Variants in CACNB4 observed in about 807,000 individuals in gnomAD.
CACNB4 encodes calcium voltage-gated channel auxiliary subunit beta 4.
CACNB4 carries 32 observed loss-of-function variants against 71.2 expected under a neutral mutation model. That is an observed-to-expected ratio of 0.45 (90% CI 0.34 to 0.60). The LOEUF (loss-of-function observed/expected upper bound fraction) is 0.60, where lower values mean the gene tolerates loss of function less well. Among genes scored for constraint, CACNB4 ranks in the 20% least tolerant of loss-of-function variants. The pLI is 0.01. For missense variants in CACNB4, 464 were observed against 647.9 expected, an observed-to-expected ratio of 0.72 and a Z score of 3.08; for synonymous variants, 231 against 236.9, an observed-to-expected ratio of 0.97 and a Z score of 0.23.
At chr2:151,851,037 T>C (rs1215030325) in intron 12 of CACNB4, 1 of 152,196 alleles carries the variant, frequency 6.6e-6, no homozygotes, top group African/African-American at 2.4e-5. Context: ...AGCAATGTGA[T>C]ACTCTGCCAA....
chr2:151,948,219 G>A (rs760632812), intron 2 of CACNB4, among the ~76,000 whole-genome samples: 2 of 152,178 alleles, frequency 1.3e-5, no homozygotes, highest in African/African-American at 2.4e-5. Context: ...AATGAGCCTT[G>A]CAGTTTAGCT....
At chr2:151,846,540 T>C (rs1225595870) in intron 12 of CACNB4, among the ~76,000 whole-genome samples, 1 of 152,098 alleles carries the variant, frequency 6.6e-6, no homozygotes, top group Non-Finnish European at 1.5e-5. Context: ...TTTGTTTGTT[T>C]GTTTTTTGTT....
chr2:152,015,409 G>T (rs1683286957), intron 2 of CACNB4, among the ~76,000 whole-genome samples: 1 of 152,182 alleles, frequency 6.6e-6, no homozygotes, highest in South Asian at 2.1e-4. Flanking sequence ...GGGATTACAG[G>T]CGTGAGCCAC....
At position 152,075,655 on chromosome 2, in the gene CACNB4, C is replaced by T. The variant is rs1249287380; in HGVS notation, c.147+22675G>A. ...CTCAGGTCTGGTCAGCTGAGCCATA[C>T]ACCCCTCAGCCACACACACAGACTC... On this transcript the variant is annotated intron_variant, in intron 2 of 13. Transcript: ENST00000539935. 3.3e-5 allele frequency among the ~76,000 whole-genome samples: 5 copies of T among 152,274 alleles called. No individual in the cohort carries two copies. The East Asian group carries it at 9.6e-4, about 29-fold the overall frequency.
intron 2 of CACNB4, among the ~76,000 whole-genome samples, chr2:152,036,272 G>A (rs567676747): frequency 2.6e-4 from 39 of 152,280 alleles, no homozygotes; most frequent in Middle Eastern, 3.4e-3. Context: ...CTGCTGTACT[G>A]TACACTTAAA....
intron 2 of CACNB4, among the ~76,000 whole-genome samples, chr2:151,898,436 CA>C (rs2099852604): frequency 6.6e-6 from 1 of 152,172 alleles, no homozygotes; most frequent in African/African-American, 2.4e-5. Flanking sequence ...GCACTCTCAA[CA>C]AAACGAGCCA....
chr2:152,035,876 T>C (rs1304229890), intron 2 of CACNB4, among the ~76,000 whole-genome samples: 1 of 152,146 alleles, frequency 6.6e-6, no homozygotes, highest in Non-Finnish European at 1.5e-5. Flanking sequence ...ATGTGCACAC[T>C]GTGTTCACCG....
intron 2 of CACNB4, among the ~76,000 whole-genome samples, chr2:151,939,173 G>A (rs2099863657): frequency 6.6e-6 from 1 of 152,182 alleles, no homozygotes; most frequent in Non-Finnish European, 1.5e-5. Context: ...AAGCAGGAAG[G>A]CAGGGAGAAG....
At chr2:152,092,590 T>C (rs927300574) in intron 2 of CACNB4, among the ~76,000 whole-genome samples, 8 of 152,100 alleles carry the variant, frequency 5.3e-5, no homozygotes, top group African/African-American at 1.9e-4. Flanking sequence ...TTTAATGAAA[T>C]ATTATTATAC....
At chr2:151,846,553 G>A (rs76654568) in intron 12 of CACNB4, among the ~76,000 whole-genome samples, 3,974 of 151,884 alleles carry the variant, frequency 0.026, 181 homozygotes, top group African/African-American at 0.091. Context: ...TTTTTGTTTT[G>A]TTTTGTTTTG....
At chr2:152,000,911 C>G (rs1371266055) in intron 2 of CACNB4, among the ~76,000 whole-genome samples, 1 of 152,160 alleles carries the variant, frequency 6.6e-6, no homozygotes, top group African/African-American at 2.4e-5. Context: ...CCACCGTCAC[C>G]GCCCCAGAGG....
intron 10 of CACNB4, chr2:151,859,192 C>A (rs1016010637): frequency 3.3e-5 from 5 of 152,098 alleles, no homozygotes; most frequent in Admixed American, 1.3e-4. Context: ...AAGGTAAAAA[C>A]CATGAGGTGA....
intron 2 of CACNB4, among the ~76,000 whole-genome samples, chr2:152,089,848 G>A (rs1274402516): frequency 6.6e-6 from 1 of 152,158 alleles, no homozygotes; most frequent in African/African-American, 2.4e-5. Context: ...GGCTGAGGTG[G>A]GAGGATCCCG....
At chr2:151,939,635 G>A (rs2099863758) in intron 2 of CACNB4, among the ~76,000 whole-genome samples, 1 of 152,146 alleles carries the variant, frequency 6.6e-6, no homozygotes, top group African/African-American at 2.4e-5. Flanking sequence ...TACGGGCACT[G>A]CATGCTGGAA....
chr2:151,876,380 C>G (rs749783946), intron 5 of CACNB4, 46 bp downstream of exon 5: 1 of 1,555,322 alleles, frequency 6.4e-7, no homozygotes, highest in South Asian at 1.2e-5. Flanking sequence ...AAATATCACC[C>G]AATTTTCTGA....
chr2:152,070,028 A>G (rs1004774361), intron 2 of CACNB4, among the ~76,000 whole-genome samples: 51 of 151,870 alleles, frequency 3.4e-4, no homozygotes, highest in African/African-American at 1.2e-3. Flanking sequence ...TATTTTTATT[A>G]GAGACAGGGT....
At chr2:151,872,242 A>G in intron 6 of CACNB4, 175 bp downstream of exon 6, 1 of 586,882 alleles carries the variant, frequency 1.7e-6, no homozygotes, top group South Asian at 1.9e-5. Context: ...TTTTAATACC[A>G]TTTTAAATGA....
intron 5 of CACNB4, among the ~76,000 whole-genome samples, chr2:151,875,308 G>C (rs1245503195): frequency 6.8e-6 from 1 of 147,854 alleles, no homozygotes; most frequent in Non-Finnish European, 1.5e-5. Context: ...ACAGGGTTGG[G>C]GGTAAGGTCA....
chr2:152,035,293 G>A (rs1684493987), intron 2 of CACNB4, among the ~76,000 whole-genome samples: 1 of 152,248 alleles, frequency 6.6e-6, no homozygotes, highest in Non-Finnish European at 1.5e-5. Flanking sequence ...GGGAGCAGTG[G>A]CTCATGCCTG....
Sources: gnomAD v4.1 joint callset for allele counts (sites outside exome capture counted in the v4.1 genomes callset) on GRCh38, gnomAD v4.1.1 for gene constraint, MANE v1.5 for transcripts, NCBI Gene and HGNC (gene_info 2026-07-23, HGNC 2026-07-21) for gene names.